CNTN5: variants seen among roughly 807,000 people sequenced by gnomAD.
CNTN5 encodes the protein contactin 5, also known as contactin-5.
CNTN5 carries 77 observed loss-of-function variants against 129.1 expected under a neutral mutation model. That is an observed-to-expected ratio of 0.60 (90% CI 0.50 to 0.72). The LOEUF is 0.72. Ranked by LOEUF, CNTN5 falls within the 30% of genes least tolerant of loss-of-function variation. The pLI is 0.00. For synonymous variants in CNTN5, 509 were observed against 465.6 expected, an observed-to-expected ratio of 1.09 and a Z score of -1.20; for missense variants, 1,478 against 1,328.8, an observed-to-expected ratio of 1.11 and a Z score of -1.75.
At chr11:99,370,111 A>G (rs1178527700) in intron 2 of CNTN5, among the ~76,000 whole-genome samples, 1 of 152,182 alleles carries the variant, frequency 6.6e-6, no homozygotes, top group Admixed American at 6.5e-5. Flanking sequence ...ACAAGATAAA[A>G]ACTATATTTT....
At chr11:99,627,953 C>T (rs1346362411) in intron 3 of CNTN5, among the ~76,000 whole-genome samples, 1 of 149,402 alleles carries the variant, frequency 6.7e-6, no homozygotes, top group Non-Finnish European at 1.5e-5. Flanking sequence ...CAGGGAAGCA[C>T]ATTCAGCTAC....
At chr11:99,305,249 G>T (rs973183819) in intron 1 of CNTN5, among the ~76,000 whole-genome samples, 4 of 152,134 alleles carry the variant, frequency 2.6e-5, no homozygotes, top group Non-Finnish European at 5.9e-5. Flanking sequence ...AAGAATACAT[G>T]AATAAATCAC....
rs555627999 is a variant in CNTN5 at position 100,002,080 on chromosome 11, C to T, written c.924C>T (p.Phe308=). The T allele has an allele frequency of 1.3e-5, 21 of 1,598,600 alleles. No individual in the cohort carries two copies. The highest frequency in any genetic ancestry group is 5.4e-5 in the African/African-American group (4 of 74,312). ...CGAAAATTGAGGTCCATTTTCCTTT[C>T]ACGGTTACAGCTGCTAAAGGAACAA... ...YEPKIEVHFP[F]TVTAAKGTTV... is the part of the protein sequence containing the mutation. The change falls in exon 9 of 25, where the codon TTC becomes TTT. Residue 308 remains phenylalanine (F), a synonymous_variant. Transcript: ENST00000524871.
rs544914449 is a variant in CNTN5 at position 99,976,079 on chromosome 11, A to G, written c.877+19070A>G. Among the ~76,000 whole-genome samples the G allele has an allele frequency of 5.3e-5, 8 of 152,334 alleles. No individual in the cohort carries two copies. In the East Asian group the frequency reaches 1.5e-3, roughly 29 times the overall value. On this transcript the variant is annotated intron_variant, in intron 8 of 24. Transcript: ENST00000524871. Reference sequence around the variant, plus strand: ...AGAAACTGGTCATAACCAAGGGGCTACAGGCCCCATACAAGTCCATAAACC... The same window carrying G: ...AGAAACTGGTCATAACCAAGGGGCTGCAGGCCCCATACAAGTCCATAAACC...
chr11:99,288,597 T>C (rs975932608), intron 1 of CNTN5, among the ~76,000 whole-genome samples: 1 of 151,910 alleles, frequency 6.6e-6, no homozygotes, highest in Non-Finnish European at 1.5e-5. Flanking sequence ...GGATGATGAC[T>C]ACAGCTTTAA....
chr11:99,120,091 A>G (rs74402421), intron 1 of CNTN5: 1 of 152,026 alleles, frequency 6.6e-6, no homozygotes, highest in Non-Finnish European at 1.5e-5. Flanking sequence ...TATTCTGTTG[A>G]TAGTTCTTTT....
intron 3 of CNTN5, among the ~76,000 whole-genome samples, chr11:99,688,903 C>T (rs1042344743): frequency 2.0e-5 from 3 of 152,120 alleles, no homozygotes; most frequent in East Asian, 1.9e-4. Context: ...TAATTGCCTA[C>T]ATTTCAATCC....
rs146474756 is a variant in CNTN5 at position 99,423,224 on chromosome 11, C to G, written c.-71+97740C>G. On this transcript the variant is annotated intron_variant, in intron 2 of 24. Coordinates refer to ENST00000524871, the MANE Select transcript of CNTN5 (RefSeq NM_014361.4). ...TTTACCTGGTGATTGGAGTGACTAT[C>G]TGTGTTAGCTATGGTCTTTACTCAG... Among the ~76,000 whole-genome samples, 516 of 152,260 alleles carry G rather than the reference C, an allele frequency of 3.4e-3. 3 individuals are homozygous for G. Among genetic ancestry groups the G allele is most frequent in the African/African-American group, 0.011 (474 of 41,560 alleles).
intron 13 of CNTN5, among the ~76,000 whole-genome samples, chr11:100,100,194 C>A (rs1255009170): frequency 6.6e-6 from 1 of 152,060 alleles, no homozygotes; most frequent in Non-Finnish European, 1.5e-5. Context: ...GTAAATTCTG[C>A]ACGGGGATCT....
Position 100,164,270 on chromosome 11 carries a change from G to A in CNTN5, c.1581-26856G>A, listed in dbSNP as rs1465265059. Among the ~76,000 whole-genome samples, 9 of 151,776 alleles carry A rather than the reference G, an allele frequency of 5.9e-5. No homozygotes were observed. The South Asian group carries it at 6.2e-4, about 10-fold the overall frequency. ...AATAAATAGAAGGAGATGACAAAGT[G>A]TATAGTTAATAATGTATACTTTTAA... On this transcript the variant is annotated intron_variant, in intron 13 of 24. Transcript: ENST00000524871.
intron 10 of CNTN5, among the ~76,000 whole-genome samples, chr11:100,067,944 T>A (rs1379839239): frequency 6.6e-6 from 1 of 152,148 alleles, no homozygotes; most frequent in Non-Finnish European, 1.5e-5. Flanking sequence ...GACTCTAAAT[T>A]TTTTCTTCCA....
At chr11:99,750,418 A>G (rs1591091155) in intron 3 of CNTN5, among the ~76,000 whole-genome samples, 1 of 152,162 alleles carries the variant, frequency 6.6e-6, no homozygotes, top group South Asian at 2.1e-4. Flanking sequence ...CATTATAGCA[A>G]TATTGTAACT....
chr11:100,036,400 G>T (rs189736871), intron 9 of CNTN5, among the ~76,000 whole-genome samples: 3 of 151,396 alleles, frequency 2.0e-5, no homozygotes, highest in African/African-American at 4.9e-5. Context: ...GTCAGGTAGC[G>T]TGATGCCTCC....
intron 6 of CNTN5, among the ~76,000 whole-genome samples, chr11:99,877,342 C>T (rs571424688): frequency 1.1e-3 from 170 of 152,214 alleles, no homozygotes; most frequent in Non-Finnish European, 2.0e-3. Context: ...AAAATCTAGT[C>T]TTTCAAAGAC....
At chr11:99,030,142 A>G (rs1056273870) in intron 1 of CNTN5, among the ~76,000 whole-genome samples, 13 of 152,094 alleles carry the variant, frequency 8.5e-5, no homozygotes, top group Middle Eastern at 3.2e-3. Context: ...TAACCTTTCT[A>G]TGTTTTCATT....
intron 15 of CNTN5, among the ~76,000 whole-genome samples, chr11:100,219,608 T>G (rs1193686194): frequency 1.3e-5 from 2 of 152,326 alleles, no homozygotes; most frequent in Non-Finnish European, 2.9e-5. Context: ...TAGAACTGTT[T>G]CTGCATTTTT....
At chr11:99,087,522 A>G (rs76555247) in intron 1 of CNTN5, among the ~76,000 whole-genome samples, 2,033 of 152,300 alleles carry the variant, frequency 0.013, 48 homozygotes, top group African/African-American at 0.046. Flanking sequence ...GCAATGTTGC[A>G]GGAGGAAGTG....
At chr11:99,556,622 G>T (rs2135538923) in intron 3 of CNTN5, among the ~76,000 whole-genome samples, 2 of 126,288 alleles carry the variant, frequency 1.6e-5, no homozygotes, top group East Asian at 2.2e-4. Context: ...ATACATATGT[G>T]CATATATTTA....
At chr11:99,483,772 T>C (rs2134944) in intron 2 of CNTN5, among the ~76,000 whole-genome samples, 34,697 of 151,612 alleles carry the variant, frequency 0.23, 4,244 homozygotes, top group Admixed American at 0.34. Context: ...AGGTGACAAA[T>C]AGTCAAAGCA....
Sources: allele counts gnomAD v4.1 joint callset (sites outside exome capture counted in the v4.1 genomes callset), GRCh38; gene constraint gnomAD v4.1.1; transcripts MANE v1.5; gene names NCBI Gene and HGNC (gene_info 2026-07-23, HGNC 2026-07-21).